SLC14A2: variants seen among roughly 807,000 people sequenced by gnomAD.
SLC14A2 encodes solute carrier family 14 member 2, also known as urea transporter 2.
In SLC14A2, 91 loss-of-function variants were observed where a neutral mutation model predicts 104.6. The observed-to-expected ratio is 0.87, with a 90% CI of 0.73 to 1.04. The LOEUF (loss-of-function observed/expected upper bound fraction) is 1.04, where lower values mean the gene tolerates loss of function less well. Among genes scored for constraint, SLC14A2 ranks in the 50% least tolerant of loss-of-function variants. The pLI is 0.00. For synonymous variants in SLC14A2, 476 were observed against 466.4 expected (o/e 1.02, Z -0.27); for missense variants, 1,189 against 1,156.0 (o/e 1.03, Z -0.41).
chr18:45,223,642 G>T (rs1216979590), intron 1 of SLC14A2, among the ~76,000 whole-genome samples: 4 of 152,054 alleles, frequency 2.6e-5, no homozygotes, highest in African/African-American at 4.8e-5. Context: ...TCCCCAAGGA[G>T]TACTTATGTG....
the SLC14A2 span, among the ~76,000 whole-genome samples, chr18:45,202,285 T>A: frequency 6.6e-6 from 1 of 152,102 alleles, no homozygotes; most frequent in African/African-American, 2.4e-5. Flanking sequence ...CAGTTTCATT[T>A]CCAAAGGCAA....
intron 7 of SLC14A2, among the ~76,000 whole-genome samples, chr18:45,640,526 T>A (rs1256224453): frequency 6.6e-6 from 1 of 152,208 alleles, no homozygotes; most frequent in African/African-American, 2.4e-5. Flanking sequence ...TGTATATGTA[T>A]GTATACACAT....
chr18:45,634,781 T>C lies in SLC14A2; in HGVS notation c.651-2209T>C, dbSNP rs144908007. ...TAGAGAGTTTTAGGCAGAGATGTGA[T>C]GGGATATGGTTTAAATCTAAACAAA... On this transcript the variant is annotated intron_variant, in intron 5 of 19. Coordinates refer to ENST00000255226, the MANE Select transcript of SLC14A2 (RefSeq NM_007163.4). The C allele has an allele frequency of 2.0e-5, 9 of 456,598 alleles. No individual in the cohort carries two copies. The East Asian group carries it at 5.6e-4, about 28-fold the overall frequency. The allele number at this position is 456,598 out of a possible 1,614,324, so 28.3% of individuals were successfully genotyped here.
chr18:45,513,159 TG>T (rs2043391488), intron 2 of SLC14A2, among the ~76,000 whole-genome samples: 1 of 152,178 alleles, frequency 6.6e-6, no homozygotes, highest in African/African-American at 2.4e-5. Flanking sequence ...AGCAAACACT[TG>T]TTCTCTACTC....
intron 1 of SLC14A2, among the ~76,000 whole-genome samples, chr18:45,253,415 G>A (rs1454414845): frequency 6.6e-6 from 1 of 151,966 alleles, no homozygotes; most frequent in Non-Finnish European, 1.5e-5. Flanking sequence ...GGGGATATGA[G>A]CAGATTACTT....
At chr18:45,418,378 C>T (rs556869540) in intron 1 of SLC14A2, among the ~76,000 whole-genome samples, 4 of 152,212 alleles carry the variant, frequency 2.6e-5, no homozygotes, top group African/African-American at 7.2e-5. Context: ...CATAAGAGGG[C>T]GTCTGTTGCA....
At chr18:45,634,187 A>G (rs775240985) in intron 5 of SLC14A2, among the ~76,000 whole-genome samples, 2 of 152,186 alleles carry the variant, frequency 1.3e-5, no homozygotes, top group African/African-American at 4.8e-5. Flanking sequence ...AATTCAAGTC[A>G]TAGGGTAGGT....
At chr18:45,518,816 G>A (rs1346526961) in intron 2 of SLC14A2, among the ~76,000 whole-genome samples, 11 of 152,174 alleles carry the variant, frequency 7.2e-5, no homozygotes, top group Non-Finnish European at 8.8e-5. Context: ...CTCTTCAACA[G>A]AGGGCCACCT....
chr18:45,231,741 A>G (rs975225582), intron 1 of SLC14A2, among the ~76,000 whole-genome samples: 3 of 152,198 alleles, frequency 2.0e-5, no homozygotes, highest in Non-Finnish European at 4.4e-5. Flanking sequence ...TTGGAGAATG[A>G]CACACACTTC....
chr18:45,464,576 G>C (rs960954307), intron 1 of SLC14A2, among the ~76,000 whole-genome samples: 1 of 152,210 alleles, frequency 6.6e-6, no homozygotes, highest in Non-Finnish European at 1.5e-5. Context: ...TTCAGGTGGA[G>C]AGGGCCAGTG....
At chr18:45,661,232 T>C (rs2045932327) in intron 10 of SLC14A2, among the ~76,000 whole-genome samples, 1 of 152,206 alleles carries the variant, frequency 6.6e-6, no homozygotes, top group African/African-American at 2.4e-5. Flanking sequence ...TCTCCACCTG[T>C]GTTACTATGG....
intron 1 of SLC14A2, among the ~76,000 whole-genome samples, chr18:45,267,370 G>A (rs543362255): frequency 4.6e-5 from 7 of 151,864 alleles, no homozygotes; most frequent in African/African-American, 1.7e-4. Flanking sequence ...CACCCTTCTG[G>A]TTATCCTTAC....
intron 1 of SLC14A2, among the ~76,000 whole-genome samples, chr18:45,335,328 C>A (rs2085328288): frequency 6.6e-6 from 1 of 152,146 alleles, no homozygotes; most frequent in Admixed American, 6.5e-5. Flanking sequence ...TGTCTAGCTT[C>A]TTTTACTTAG....
chr18:45,658,617 G>A (rs903321561), intron 10 of SLC14A2, among the ~76,000 whole-genome samples: 2 of 151,822 alleles, frequency 1.3e-5, no homozygotes, highest in African/African-American at 2.4e-5. Flanking sequence ...CTCACAGAAA[G>A]TGTAGAGGCA....
intron 2 of SLC14A2, among the ~76,000 whole-genome samples, chr18:45,551,279 T>C (rs536365242): frequency 2.6e-5 from 4 of 152,308 alleles, no homozygotes; most frequent in Non-Finnish European, 4.4e-5. Context: ...GGCGGTGTGA[T>C]GGCAGATGGC....
At chr18:45,249,064 C>T (rs1040354964) in intron 1 of SLC14A2, among the ~76,000 whole-genome samples, 4 of 152,138 alleles carry the variant, frequency 2.6e-5, no homozygotes, top group Non-Finnish European at 4.4e-5. Flanking sequence ...TTGGGGGTTA[C>T]CTCTAAGATA....
At chr18:45,675,261 T>A (rs1186002342) in intron 18 of SLC14A2, among the ~76,000 whole-genome samples, 1 of 152,244 alleles carries the variant, frequency 6.6e-6, no homozygotes, top group Non-Finnish European at 1.5e-5. Context: ...TAACATTTAT[T>A]GGTTTTCACC....
chr18:45,462,269 A>C (rs1048011993), intron 1 of SLC14A2, among the ~76,000 whole-genome samples: 4 of 152,216 alleles, frequency 2.6e-5, no homozygotes, highest in Non-Finnish European at 4.4e-5. Context: ...AACAGCATCA[A>C]AAAGGAAAAT....
chr18:45,225,245 G>A (rs1347900818), intron 1 of SLC14A2, among the ~76,000 whole-genome samples: 2 of 152,108 alleles, frequency 1.3e-5, no homozygotes, highest in Non-Finnish European at 2.9e-5. Flanking sequence ...TTATTAAATA[G>A]GGAATCCTTT....
Sources: allele counts gnomAD v4.1 joint callset (sites outside exome capture counted in the v4.1 genomes callset), GRCh38; gene constraint gnomAD v4.1.1; transcripts MANE v1.5; gene names NCBI Gene and HGNC (gene_info 2026-07-23, HGNC 2026-07-21).